The following ZNF107 variants were observed in gnomAD, a reference collection of about 807,000 sequenced individuals.
ZNF107 encodes the protein zinc finger protein 107.
In ZNF107, 19 loss-of-function variants were observed where a neutral mutation model predicts 12.3. That is an observed-to-expected ratio of 1.55 (90% confidence interval 1.08 to 2.27). The LOEUF (loss-of-function observed/expected upper bound fraction) is 2.27. ZNF107 is among the 30% of genes most tolerant of loss of function. The probability of loss-of-function intolerance (pLI) is 0.00; values close to 1 mark genes in which losing one functional copy is unlikely to be tolerated. For missense variants in ZNF107, 958 were observed against 979.9 expected, an observed-to-expected ratio of 0.98 and a Z score of 0.30; for synonymous variants, 317 against 330.5, an observed-to-expected ratio of 0.96 and a Z score of 0.44.
Position 64,708,246 on chromosome 7 carries a change from T to C in ZNF107, c.2149T>C (p.Ser717Pro). ...AGAATGTGGCAAAGCCTTTAACTGCTCCTCAACCCTTAATAGACATAAGAT... is the reference window on the plus strand; with the variant it reads ...AGAATGTGGCAAAGCCTTTAACTGCCCCTCAACCCTTAATAGACATAAGAT... ...CAECGKAFNC[S>P]STLNRHKIIH... The change falls in exon 4 of 4, where the codon TCC (serine) becomes CCC (proline). Residue 717 changes from serine to proline, a missense_variant. Physicochemically the swap from Ser to Pro is moderately conservative, Grantham distance 74. Transcript: ENST00000620827. 3 of 1,613,582 alleles carry C rather than the reference T, an allele frequency of 1.9e-6. No individual in the cohort carries two copies. The highest frequency in any genetic ancestry group is 2.5e-6 in the Non-Finnish European group (3 of 1,179,760).
intron 2 of ZNF107, 87 bp downstream of exon 2, chr7:64,691,461 C>A: frequency 8.4e-7 from 1 of 1,188,844 alleles, no homozygotes; most frequent in African/African-American, 1.6e-5. Context: ...GTAATTTATG[C>A]TTTGCATAAA....
intron 1 of ZNF107, among the ~76,000 whole-genome samples, chr7:64,673,058 A>T (rs1789292534): frequency 6.6e-6 from 1 of 151,814 alleles, no homozygotes; most frequent in African/African-American, 2.4e-5. Flanking sequence ...TTATTTATTT[A>T]TTTGAGATGG....
chr7:64,683,168 C>G (rs1192664951), intron 1 of ZNF107, among the ~76,000 whole-genome samples: 1 of 152,218 alleles, frequency 6.6e-6, no homozygotes, highest in African/African-American at 2.4e-5. Context: ...TAAGGGAATG[C>G]ACGTCAATAT....
chr7:64,679,682 C>CT (rs1789575404), intron 1 of ZNF107, among the ~76,000 whole-genome samples: 1 of 152,188 alleles, frequency 6.6e-6, no homozygotes, highest in Non-Finnish European at 1.5e-5. Flanking sequence ...ACCGCTCCGT[C>CT]TTTCACCTGA....
At chr7:64,679,935 G>A (rs997574525) in intron 1 of ZNF107, among the ~76,000 whole-genome samples, 5 of 151,714 alleles carry the variant, frequency 3.3e-5, no homozygotes, top group African/African-American at 9.7e-5. Context: ...CTTCTGTCCC[G>A]CCCATCTGCT....
At chr7:64,676,692 C>T (rs1441393587) in intron 1 of ZNF107, among the ~76,000 whole-genome samples, 1 of 152,170 alleles carries the variant, frequency 6.6e-6, no homozygotes, top group Non-Finnish European at 1.5e-5. Context: ...ATACCTCCCC[C>T]CATATGTGTC....
At chr7:64,693,704 A>G (rs1050794241) in intron 3 of ZNF107, among the ~76,000 whole-genome samples, 2 of 152,184 alleles carry the variant, frequency 1.3e-5, no homozygotes, top group African/African-American at 4.8e-5. Context: ...TCGGGTCTGC[A>G]TATGGTAGGC....
intron 1 of ZNF107, among the ~76,000 whole-genome samples, chr7:64,679,877 C>T (rs547830782): frequency 2.6e-5 from 4 of 152,268 alleles, no homozygotes; most frequent in Non-Finnish European, 4.4e-5. Context: ...TTTTACACTT[C>T]GGTCCCTCCC....
At chr7:64,691,984 C>A in intron 3 of ZNF107, 24 bp downstream of exon 3, 1 of 1,391,318 alleles carries the variant, frequency 7.2e-7, no homozygotes, top group Non-Finnish European at 9.5e-7. Flanking sequence ...AAAGTGAATA[C>A]AACAGATGAC....
rs1380930546 is a variant in ZNF107 at position 64,711,346 on chromosome 7, A to G, written c.*2690A>G. 2 of 152,190 alleles carry G rather than the reference A, an allele frequency of 1.3e-5. No homozygotes were observed. Among genetic ancestry groups the G allele is most frequent in the Non-Finnish European group, 2.9e-5 (2 of 68,022 alleles). The allele number at this position is 152,190 out of a possible 1,614,324, so 9.4% of individuals were successfully genotyped here. On this transcript the variant is annotated 3_prime_UTR_variant, in exon 4 of 4. Transcript: ENST00000620827. ...GTATGTGTATATCTTTATGCCATGT[A>G]TGGCATATTTTGATACAGGCATATA...
intron 1 of ZNF107, among the ~76,000 whole-genome samples, chr7:64,690,686 C>T (rs1465107469): frequency 6.6e-6 from 1 of 151,428 alleles, no homozygotes; most frequent in Non-Finnish European, 1.5e-5. Context: ...CCACATTAAA[C>T]TGTCCTTTTC....
chr7:64,680,862 C>T (rs955150867), intron 1 of ZNF107, among the ~76,000 whole-genome samples: 2 of 152,164 alleles, frequency 1.3e-5, no homozygotes, highest in Admixed American at 6.5e-5. Flanking sequence ...TGCTTGCCTC[C>T]GCCGTAAGAC....
At chr7:64,686,421 T>C in intron 1 of ZNF107, 1 of 670,946 alleles carries the variant, frequency 1.5e-6, no homozygotes, top group Non-Finnish European at 1.8e-6. Flanking sequence ...ATGCTACTCC[T>C]AACTGCCCCT....
intron 1 of ZNF107, chr7:64,687,098 GCTTTT>G (rs1016508029): frequency 1.0e-6 from 1 of 985,218 alleles, no homozygotes; most frequent in South Asian, 4.7e-5. Flanking sequence ...TTCTTAAGAT[GCTTTT>G]CTTTTTTTTT....
At chr7:64,685,883 T>A (rs1789887002) in intron 1 of ZNF107, among the ~76,000 whole-genome samples, 1 of 152,060 alleles carries the variant, frequency 6.6e-6, no homozygotes, top group Admixed American at 6.5e-5. Context: ...AGAGCCCAAG[T>A]CCATCAGCAT....
rs1790722360 is a variant in ZNF107 at position 64,707,758 on chromosome 7, A to T, written c.1661A>T (p.Lys554Ile). 6.2e-7 allele frequency: 1 copy of T among 1,611,472 alleles called. No homozygotes were observed. The highest frequency in any genetic ancestry group is 1.3e-5 in the African/African-American group (1 of 74,608). The change falls in exon 4 of 4, where the codon AAA becomes ATA. Residue 554 changes from lysine (K) to isoleucine (I), a missense_variant. Transcript: ENST00000620827. ...TTTAACCGATTCTCAACCCTTACTA[A>T]ACATAAGAGAATTCATACTGGAGAA... ...KAFNRFSTLT[K>I]HKRIHTGEKP...
At chr7:64,666,687 G>A (rs1789019213) in intron 1 of ZNF107, among the ~76,000 whole-genome samples, 1 of 152,154 alleles carries the variant, frequency 6.6e-6, no homozygotes, top group South Asian at 2.1e-4. Flanking sequence ...TAGTCTGTGG[G>A]GTTCCTAGTC....
At chr7:64,685,269 A>G (rs1789859773) in intron 1 of ZNF107, among the ~76,000 whole-genome samples, 1 of 152,112 alleles carries the variant, frequency 6.6e-6, no homozygotes, top group African/African-American at 2.4e-5. Context: ...GCCTACCTCT[A>G]GGTCACCTAC....
chr7:64,668,339 A>AT (rs1789087705), intron 1 of ZNF107, among the ~76,000 whole-genome samples: 1 of 109,670 alleles, frequency 9.1e-6, no homozygotes, highest in South Asian at 3.5e-4. Flanking sequence ...CCAGTGTGTG[A>AT]TGTTCCCCTT....
Sources: gnomAD v4.1 joint callset for allele counts (sites outside exome capture counted in the v4.1 genomes callset) on GRCh38, gnomAD v4.1.1 for gene constraint, MANE v1.5 for transcripts, NCBI Gene and HGNC (gene_info 2026-07-23, HGNC 2026-07-21) for gene names.